SIK2: variants seen among roughly 807,000 people sequenced by gnomAD.
The protein encoded by SIK2 is salt inducible kinase 2, also known as serine/threonine-protein kinase SIK2.
In SIK2, 29 loss-of-function variants were observed where a neutral mutation model predicts 103.2. That is an observed-to-expected ratio of 0.28 (90% CI 0.21 to 0.38). SIK2 has a LOEUF of 0.38. Among genes scored for constraint, SIK2 ranks in the 10% least tolerant of loss-of-function variants. The pLI is 1.00. For synonymous variants in SIK2, 412 were observed against 446.1 expected, an observed-to-expected ratio of 0.92 and a Z score of 0.96; for missense variants, 879 against 1,171.0, an observed-to-expected ratio of 0.75 and a Z score of 3.64.
chr11:111,669,519 C>T (rs1005926481), intron 3 of SIK2, among the ~76,000 whole-genome samples: 1 of 152,006 alleles, frequency 6.6e-6, no homozygotes, highest in Admixed American at 6.6e-5. Flanking sequence ...TCGCTTGAGC[C>T]CAGGAGTTCT....
chr11:111,713,764 C>T (rs997162357), intron 9 of SIK2, among the ~76,000 whole-genome samples: 3 of 152,144 alleles, frequency 2.0e-5, no homozygotes, highest in African/African-American at 7.2e-5. Context: ...GTCAGGAGTT[C>T]AAGACCAGCG....
chr11:111,683,950 G>A (rs1308643098), intron 3 of SIK2, among the ~76,000 whole-genome samples: 1 of 152,140 alleles, frequency 6.6e-6, no homozygotes, highest in African/African-American at 2.4e-5. Flanking sequence ...TTTCAAGGAT[G>A]CCTACACTGC....
rs1188183311 is a variant in SIK2, at chr11:111,701,602, G to A, written c.727+27G>A. 3 of 1,610,820 alleles carry A rather than the reference G, an allele frequency of 1.9e-6. No homozygotes were observed. The highest frequency in any genetic ancestry group is 2.2e-5 in the South Asian group (2 of 90,826). On this transcript the variant is annotated intron_variant, in intron 6 of 14. Coordinates refer to ENST00000304987, the MANE Select transcript of SIK2 (RefSeq NM_015191.3). This position sits in a 1 kb window ranked among gnomAD's most constrained non-coding sequence, Gnocchi z 4.2. ...TAATCAACTTTTCATCTTATTAATG[G>A]TGTTTTACAGTGTTAGTGCTCCAAG...
At chr11:111,622,695 CT>C (rs992593607) in intron 3 of SIK2, among the ~76,000 whole-genome samples, 1 of 114,154 alleles carries the variant, frequency 8.8e-6, no homozygotes, top group African/African-American at 2.6e-5. Context: ...TCTAAATGGA[CT>C]TTTTTTCTTT....
In SIK2 at chr11:111,719,933, C is replaced by T. The variant is rs1258460572; in HGVS notation, c.1425C>T (p.Ser475=). The change falls in exon 10 of 15, where the codon TCC becomes TCT. Residue 475 remains serine (S), a synonymous_variant. Coordinates refer to ENST00000304987, the MANE Select transcript of SIK2 (RefSeq NM_015191.3). The part of the protein sequence containing the change: ...DPAHAFEAFQ[S]TRSGQRRHTL... ...CTCATGCCTTTGAGGCATTTCAGTC[C>T]ACACGCAGCGGGCAGAGACGGCACA... The T allele has an allele frequency of 6.2e-7, 1 of 1,614,144 alleles. No homozygotes were observed. The highest frequency in any genetic ancestry group is 1.3e-5 in the African/African-American group (1 of 75,030).
intron 1 of SIK2, among the ~76,000 whole-genome samples, chr11:111,616,026 A>G (rs561617931): frequency 5.3e-5 from 8 of 152,342 alleles, no homozygotes; most frequent in African/African-American, 1.9e-4. Flanking sequence ...ATTATTCTTC[A>G]TAGCACACTA....
At chr11:111,622,247 CTTTTTTTTTTTTTT>C (rs71057079) in intron 3 of SIK2, among the ~76,000 whole-genome samples, 1 of 61,454 alleles carries the variant, frequency 1.6e-5, no homozygotes, top group Non-Finnish European at 2.7e-5. Flanking sequence ...ATTTTCTTTT[CTTTTTTTTTTTTTT>C]TTTTTTTTTT....
chr11:111,717,802 T>C (rs1447185670), intron 9 of SIK2, among the ~76,000 whole-genome samples: 1 of 152,150 alleles, frequency 6.6e-6, no homozygotes, highest in Non-Finnish European at 1.5e-5. Flanking sequence ...GGGACATGAA[T>C]GGAGCTGGAA....
In SIK2 at chr11:111,729,209, T is replaced by C. The variant is rs943642548; in HGVS notation, c.*5080T>C. The C allele has an allele frequency of 2.6e-5, 4 of 152,280 alleles. No homozygotes were observed. The highest frequency in any genetic ancestry group is 9.6e-5 in the African/African-American group (4 of 41,458). 9.4% of individuals were successfully genotyped at this position (152,280 alleles called of 1,614,324 possible). A position where few individuals can be genotyped will look rare whatever the true frequency, so the allele number is the denominator to read the frequency against. ...AGCCATCCTACGTGCACCCCCACCTTGTGTCCACATCTTCTCCAGGCAGGT... is the reference window on the plus strand; with the variant it reads ...AGCCATCCTACGTGCACCCCCACCTCGTGTCCACATCTTCTCCAGGCAGGT... On this transcript the variant is annotated 3_prime_UTR_variant, in exon 15 of 15. Coordinates refer to ENST00000304987, the MANE Select transcript of SIK2 (RefSeq NM_015191.3).
intron 4 of SIK2, among the ~76,000 whole-genome samples, chr11:111,697,330 C>G (rs1943099816): frequency 6.6e-6 from 1 of 152,182 alleles, no homozygotes; most frequent in South Asian, 2.1e-4. Context: ...AGATCTTTAT[C>G]GAGCAGCTGT....
chr11:111,674,031 A>G (rs965950674), intron 3 of SIK2, among the ~76,000 whole-genome samples: 1 of 150,922 alleles, frequency 6.6e-6, no homozygotes, highest in East Asian at 2.0e-4. Context: ...CTGAGATCGC[A>G]CCGCTGCACT....
chr11:111,698,643 G>A (rs140319766), intron 4 of SIK2, among the ~76,000 whole-genome samples: 1 of 152,166 alleles, frequency 6.6e-6, no homozygotes, highest in Non-Finnish European at 1.5e-5. Flanking sequence ...GTTGAGGTGC[G>A]AGGACTGCAG....
intron 8 of SIK2, among the ~76,000 whole-genome samples, chr11:111,709,580 TAAAG>T (rs1943442533): frequency 6.6e-6 from 1 of 152,232 alleles, no homozygotes; most frequent in African/African-American, 2.4e-5. Flanking sequence ...TTGACACTCT[TAAAG>T]AATATCTTGA....
At chr11:111,617,859 TATACACACACACACACAC>T (rs1565310620) in intron 2 of SIK2, among the ~76,000 whole-genome samples, 1 of 150,908 alleles carries the variant, frequency 6.6e-6, no homozygotes, top group Admixed American at 6.6e-5. Flanking sequence ...TGTATATATA[TATACACACACACACACAC>T]ACATATATTT....
At chr11:111,704,105 G>A (rs1444986292) in intron 7 of SIK2, among the ~76,000 whole-genome samples, 1 of 152,204 alleles carries the variant, frequency 6.6e-6, no homozygotes, top group Non-Finnish European at 1.5e-5. Flanking sequence ...AAGGCTCCGG[G>A]CTGTGCTGCC....
chr11:111,691,479 A>G (rs1270581841), intron 4 of SIK2, among the ~76,000 whole-genome samples: 2 of 152,202 alleles, frequency 1.3e-5, no homozygotes, highest in Non-Finnish European at 2.9e-5. Flanking sequence ...GATAATAAGT[A>G]GCAGACCTGG....
rs1943838513 is a variant in SIK2, at chr11:111,722,695, A to G, written c.2086A>G (p.Thr696Ala). ...CAGCCTTCTGTCAAAGGCCCAGAAC[A>G]CCTGTCAGCTTTATTGCAAAGAACC... ...KPSLLSKAQNTCQLYCKEPPR... is the reference protein window; with the variant it reads ...KPSLLSKAQNACQLYCKEPPR... The change falls in exon 14 of 15, where the codon ACC becomes GCC. Residue 696 changes from threonine to alanine, a missense_variant. Physicochemically the swap from Thr to Ala is moderately conservative, Grantham distance 58. Transcript: ENST00000304987. This position sits in a 1 kb window ranked among gnomAD's most constrained non-coding sequence, Gnocchi z 4.4. 1 of 1,613,932 alleles carries G rather than the reference A, an allele frequency of 6.2e-7. No homozygotes were observed. Among genetic ancestry groups the G allele is most frequent in the Admixed American group, 1.7e-5 (1 of 59,986 alleles).
chr11:111,656,104 C>T (rs1942389102), intron 3 of SIK2, among the ~76,000 whole-genome samples: 1 of 151,516 alleles, frequency 6.6e-6, no homozygotes, highest in African/African-American at 2.4e-5. Flanking sequence ...GTGAGACGAT[C>T]ACTTGAGCCT....
chr11:111,679,037 C>T (rs959440786), intron 3 of SIK2, among the ~76,000 whole-genome samples: 2 of 152,160 alleles, frequency 1.3e-5, no homozygotes, highest in African/African-American at 4.8e-5. Flanking sequence ...GAATTTATTT[C>T]CTACTACATT....
Sources: gnomAD v4.1 joint callset for allele counts (sites outside exome capture counted in the v4.1 genomes callset) on GRCh38, gnomAD v4.1.1 for gene constraint, Gnocchi (gnomAD v3.1) non-coding constraint, MANE v1.5 for transcripts, NCBI Gene and HGNC (gene_info 2026-07-23, HGNC 2026-07-21) for gene names.